Variants in WWOX observed in about 807,000 individuals in gnomAD.
WWOX encodes WW domain-containing oxidoreductase.
WWOX carries 69 observed loss-of-function variants against 46.2 expected under a neutral mutation model. The observed-to-expected ratio is 1.49, with a 90% CI of 1.23 to 1.82. The LOEUF (loss-of-function observed/expected upper bound fraction) is 1.82. Among genes scored for constraint, WWOX ranks in the 40% most tolerant of loss-of-function variants. WWOX has a pLI of 0.00. For synonymous variants in WWOX, 359 were observed against 202.6 expected (o/e 1.77, Z -6.56); for missense variants, 919 against 542.6 (o/e 1.69, Z -6.89).
At chr16:78,456,973 G>A (rs2083833784) in intron 8 of WWOX, among the ~76,000 whole-genome samples, 1 of 152,202 alleles carries the variant, frequency 6.6e-6, no homozygotes, top group Admixed American at 6.5e-5. Flanking sequence ...TCCCCTTGTG[G>A]GCTGGCAGCA....
intron 8 of WWOX, among the ~76,000 whole-genome samples, chr16:78,816,124 G>T (rs2051323773): frequency 6.6e-6 from 1 of 152,138 alleles, no homozygotes; most frequent in Middle Eastern, 3.2e-3. Flanking sequence ...TCCCCAAAAT[G>T]AAGGCAGAAT....
intron 8 of WWOX, among the ~76,000 whole-genome samples, chr16:78,589,363 A>T (rs766478011): frequency 2.0e-5 from 3 of 152,166 alleles, no homozygotes; most frequent in Non-Finnish European, 4.4e-5. Context: ...TGATTCATCT[A>T]GTTGTGATTT....
At chr16:78,699,591 A>C (rs144371954) in intron 8 of WWOX, among the ~76,000 whole-genome samples, 2 of 152,176 alleles carry the variant, frequency 1.3e-5, no homozygotes, top group Non-Finnish European at 2.9e-5. Context: ...ACATACGTGA[A>C]TATATGCTAA....
intron 8 of WWOX, among the ~76,000 whole-genome samples, chr16:78,928,488 C>T (rs2045551537): frequency 6.6e-6 from 1 of 152,140 alleles, no homozygotes; most frequent in South Asian, 2.1e-4. Flanking sequence ...AGGCGTGAGC[C>T]ACCGCGCCCG....
intron 8 of WWOX, among the ~76,000 whole-genome samples, chr16:78,935,587 C>G (rs1462346376): frequency 1.4e-5 from 2 of 146,306 alleles, no homozygotes; most frequent in East Asian, 2.0e-4. Context: ...AGGGGAACAT[C>G]ACACACCGGG....
At chr16:78,357,449 A>G (rs1035108057) in intron 5 of WWOX, among the ~76,000 whole-genome samples, 6 of 152,156 alleles carry the variant, frequency 3.9e-5, no homozygotes, top group Admixed American at 6.5e-5. Flanking sequence ...TCAATGAATG[A>G]TTGATTGAAT....
intron 8 of WWOX, among the ~76,000 whole-genome samples, chr16:78,870,087 C>G (rs1276005311): frequency 6.6e-6 from 1 of 152,150 alleles, no homozygotes; most frequent in Non-Finnish European, 1.5e-5. Flanking sequence ...TGTCACCTGT[C>G]CATGTGTAAG....
At chr16:78,219,526 C>G (rs980316342) in intron 5 of WWOX, among the ~76,000 whole-genome samples, 3 of 152,140 alleles carry the variant, frequency 2.0e-5, no homozygotes, top group Admixed American at 6.5e-5. Context: ...TAAATTGATG[C>G]AACCCCACAG....
At chr16:79,012,950 G>A (rs1053439164) in intron 8 of WWOX, among the ~76,000 whole-genome samples, 2 of 152,224 alleles carry the variant, frequency 1.3e-5, no homozygotes, top group Admixed American at 1.3e-4. Context: ...CCAGCCCTTT[G>A]GGAGGCCGAG....
At chr16:79,128,386 CAAAAAA>C (rs375875219) in intron 8 of WWOX, among the ~76,000 whole-genome samples, 4 of 139,300 alleles carry the variant, frequency 2.9e-5, no homozygotes, top group African/African-American at 8.1e-5. Flanking sequence ...AAACAAAAAA[CAAAAAA>C]AAAAACACTA....
intron 8 of WWOX, among the ~76,000 whole-genome samples, chr16:78,928,774 G>T (rs2045557916): frequency 6.6e-6 from 1 of 152,142 alleles, no homozygotes; most frequent in Non-Finnish European, 1.5e-5. Context: ...ATAAAACACA[G>T]TTTCAGTGAT....
At chr16:78,520,283 C>G (rs2043320216) in intron 8 of WWOX, among the ~76,000 whole-genome samples, 1 of 152,176 alleles carries the variant, frequency 6.6e-6, no homozygotes, top group Non-Finnish European at 1.5e-5. Flanking sequence ...TAGAAACACT[C>G]AACGCAGTGA....
intron 8 of WWOX, among the ~76,000 whole-genome samples, chr16:78,927,417 A>G (rs1375867611): frequency 1.3e-5 from 2 of 152,130 alleles, no homozygotes; most frequent in African/African-American, 2.4e-5. Flanking sequence ...TGTTATTACC[A>G]TGTGTCTGTC....
intron 8 of WWOX, among the ~76,000 whole-genome samples, chr16:78,799,495 T>A (rs975292524): frequency 6.6e-6 from 1 of 152,198 alleles, no homozygotes; most frequent in Non-Finnish European, 1.5e-5. Context: ...TTATGTTGTT[T>A]TAAATAATAT....
rs529391224 is a variant in WWOX at position 79,143,103 on chromosome 16, GA to G, written c.1057-68497del. On this transcript the variant is annotated intron_variant, in intron 8 of 8. Transcript: ENST00000566780. ...TTAAGGTTCAGAAGTATTTGGCTTT[GA>G]AAAAAAAGTTTAAGGGACTGTTTGT... Among the ~76,000 whole-genome samples the G allele has an allele frequency of 4.3e-3, 657 of 152,040 alleles. 2 individuals are homozygous for G. The highest frequency in any genetic ancestry group is 5.5e-3 in the Non-Finnish European group (376 of 67,952).
At chr16:78,348,818 C>A (rs2081137343) in intron 5 of WWOX, among the ~76,000 whole-genome samples, 1 of 120,246 alleles carries the variant, frequency 8.3e-6, no homozygotes, top group South Asian at 2.5e-4. Flanking sequence ...AAGCAAAATA[C>A]AAGAGAAATA....
chr16:78,797,469 C>G (rs1003957429), intron 8 of WWOX, among the ~76,000 whole-genome samples: 17 of 151,556 alleles, frequency 1.1e-4, no homozygotes, highest in African/African-American at 4.1e-4. Flanking sequence ...TCCCATTGCT[C>G]TAATTTGTAG....
chr16:78,900,812 A>T (rs1240801845), intron 8 of WWOX, among the ~76,000 whole-genome samples: 1 of 151,254 alleles, frequency 6.6e-6, no homozygotes, highest in African/African-American at 2.4e-5. Context: ...GAAGGATATT[A>T]AATAAAATTG....
Position 78,913,181 on chromosome 16 carries a change from G to A in WWOX, c.1057-298427G>A, listed in dbSNP as rs546493119. 2.0e-5 allele frequency among the ~76,000 whole-genome samples: 3 copies of A among 151,974 alleles called. No homozygotes were observed. The South Asian group carries it at 6.2e-4, about 31-fold the overall frequency. On this transcript the variant is annotated intron_variant, in intron 8 of 8. Transcript: ENST00000566780. ...TGCTGTCGCTGAGGTAATATGAGGA[G>A]ATCCGAGACCTCATCCTTGCAGGGA...
Sources: allele counts gnomAD v4.1 joint callset (sites outside exome capture counted in the v4.1 genomes callset), GRCh38; gene constraint gnomAD v4.1.1; transcripts MANE v1.5; gene names NCBI Gene and HGNC (gene_info 2026-07-23, HGNC 2026-07-21).